The following RSBN1L variants were observed in gnomAD, a reference collection of about 807,000 sequenced individuals.
The protein encoded by RSBN1L is round spermatid basic protein 1 like, also known as lysine-specific demethylase RSBN1L.
A neutral mutation model predicts 67.7 loss-of-function variants in RSBN1L; 30 were observed. The observed-to-expected ratio is 0.44, with a 90% confidence interval of 0.33 to 0.60. The LOEUF is 0.60. RSBN1L is among the 20% of genes least tolerant of loss of function. The probability of loss-of-function intolerance (pLI) is 0.02; values close to 1 mark genes in which losing one functional copy is unlikely to be tolerated. For missense variants in RSBN1L, 992 were observed against 1,031.7 expected (o/e 0.96, Z 0.53); for synonymous variants, 433 against 387.0 (o/e 1.12, Z -1.39).
chr7:77,698,657 CCTT>C (rs769123995), intron 1 of RSBN1L, among the ~76,000 whole-genome samples: 8 of 152,090 alleles, frequency 5.3e-5, no homozygotes, highest in East Asian at 3.9e-4. Context: ...CATTTAGAAT[CCTT>C]CTTCTTTTGA....
chr7:77,712,559 G>A (rs1338389553), intron 1 of RSBN1L, among the ~76,000 whole-genome samples: 3 of 152,152 alleles, frequency 2.0e-5, no homozygotes, highest in East Asian at 1.9e-4. Context: ...GATTACAGGC[G>A]TGAGCCACTG....
At chr7:77,703,893 G>A (rs1474126167) in intron 1 of RSBN1L, among the ~76,000 whole-genome samples, 1 of 152,136 alleles carries the variant, frequency 6.6e-6, no homozygotes, top group East Asian at 1.9e-4. Context: ...GAGCCCAAAG[G>A]ATTCTCCTGC....
At chr7:77,705,884 T>G (rs1344659873) in intron 1 of RSBN1L, among the ~76,000 whole-genome samples, 1 of 151,984 alleles carries the variant, frequency 6.6e-6, no homozygotes, top group African/African-American at 2.4e-5. Context: ...CTAATTGTCT[T>G]TTACTTAATA....
At position 77,696,461 on chromosome 7, in the gene RSBN1L, G is replaced by A. The variant is rs758007303; in HGVS notation, c.-9G>A. 6.2e-7 allele frequency: 1 copy of A among 1,600,284 alleles called. No homozygotes were observed. Among genetic ancestry groups the A allele is most frequent in the East Asian group, 2.2e-5 (1 of 44,704 alleles). On this transcript the variant is annotated 5_prime_UTR_variant, in exon 1 of 8. Coordinates refer to ENST00000334955, the MANE Select transcript of RSBN1L (RefSeq NM_198467.3). Reference sequence around the variant, plus strand: ...TAGCGGAGGAGAGTAAATACAACAGGAGCGCAAAATGGCGGAACCGCCGAG... The same window carrying A: ...TAGCGGAGGAGAGTAAATACAACAGAAGCGCAAAATGGCGGAACCGCCGAG...
At chr7:77,762,616 A>T (rs547093382) in intron 3 of RSBN1L, among the ~76,000 whole-genome samples, 1 of 152,258 alleles carries the variant, frequency 6.6e-6, no homozygotes, top group South Asian at 2.1e-4. Flanking sequence ...TTAGTAAATA[A>T]AGTTCTTGAG....
chr7:77,696,760 G>GT lies in RSBN1L; in HGVS notation c.292dup (p.Ser98PhefsTer57), dbSNP rs777557519. On this transcript the variant is annotated frameshift_variant, in exon 1 of 8. Transcript: ENST00000334955. LOFTEE classifies it high-confidence loss of function. ...CCCCTCTGTCTGCTGCTCCCTCCCC[G>GT]TCCTCTTCTCGGAGCAGTTTCTCTT... 6.2e-7 allele frequency: 1 copy of GT among 1,613,742 alleles called. No individual in the cohort carries two copies. The highest frequency in any genetic ancestry group is 8.5e-7 in the Non-Finnish European group (1 of 1,179,998).
At position 77,779,038 on chromosome 7, in the gene RSBN1L, C is replaced by A; in HGVS notation, c.2411C>A (p.Ser804Tyr). 1 of 1,613,870 alleles carries A rather than the reference C, an allele frequency of 6.2e-7. No homozygotes were observed. Among genetic ancestry groups the A allele is most frequent in the Non-Finnish European group, 8.5e-7 (1 of 1,179,914 alleles). The change falls in exon 8 of 8, where the codon TCT (serine) becomes TAT (tyrosine). Residue 804 changes from serine (S) to tyrosine (Y), a missense_variant. This residue lies in a region of RSBN1L where 199 missense variants were observed against 167.7 expected (regional missense o/e 1.19). Transcript: ENST00000334955. ...GCAGAATTTAAGATTGACATGGATTCTAAATTTGAAAATAGCAACAAAGAT... is the reference window on the plus strand; with the variant it reads ...GCAGAATTTAAGATTGACATGGATTATAAATTTGAAAATAGCAACAAAGAT... ...QFAEFKIDMDSKFENSNKDLK... is the reference protein window; with the variant it reads ...QFAEFKIDMDYKFENSNKDLK...
intron 3 of RSBN1L, 63 bp downstream of exon 3, chr7:77,750,127 T>C (rs1791535558): frequency 2.0e-6 from 2 of 1,017,790 alleles, no homozygotes; most frequent in Admixed American, 7.0e-5. Flanking sequence ...AGTTTCTGTT[T>C]TTTGTTCCTA....
chr7:77,778,294 G>A (rs1791945289), intron 6 of RSBN1L, 44 bp from the exon 7 acceptor site: 1 of 1,352,564 alleles, frequency 7.4e-7, no homozygotes, highest in East Asian at 2.3e-5. Flanking sequence ...TCAAAAGAGT[G>A]AAGCATTTAT....
Position 77,765,624 on chromosome 7 carries a change from T to A in RSBN1L, c.1474T>A (p.Phe492Ile). The A allele has an allele frequency of 6.3e-7, 1 of 1,592,792 alleles. No homozygotes were observed. The highest frequency in any genetic ancestry group is 8.6e-7 in the Non-Finnish European group (1 of 1,168,846). ...CCTTGACATGTTGGAAGAGTCACCATTTTTAAAAGTAAGAGACAATCTGTC... is the reference window on the plus strand; with the variant it reads ...CCTTGACATGTTGGAAGAGTCACCAATTTTAAAAGTAAGAGACAATCTGTC... Reference protein sequence around the residue: ...EFLDMLEESPFLKCTLPWGTL... With the variant: ...EFLDMLEESPILKCTLPWGTL... Residue 492 changes from phenylalanine (F) to isoleucine (I), a missense_variant, in exon 4 of 8, where the codon TTT becomes ATT. Phe to Ile is a conservative substitution (Grantham distance 21). This residue lies in a region of RSBN1L where 67 missense variants were observed against 130.5 expected (regional missense o/e 0.51). Transcript: ENST00000334955.
At chr7:77,735,851 A>G (rs1367445795) in intron 1 of RSBN1L, among the ~76,000 whole-genome samples, 1 of 152,172 alleles carries the variant, frequency 6.6e-6, no homozygotes, top group Non-Finnish European at 1.5e-5. Flanking sequence ...TCACAGTATC[A>G]CCAAGTAGTC....
At chr7:77,767,883 G>A (rs1429009950) in intron 4 of RSBN1L, among the ~76,000 whole-genome samples, 8 of 112,656 alleles carry the variant, frequency 7.1e-5, no homozygotes, top group Non-Finnish European at 1.3e-4. Flanking sequence ...TTGGAGTCTC[G>A]TTCTGTCACC....
At chr7:77,701,413 T>G (rs1790816840) in intron 1 of RSBN1L, among the ~76,000 whole-genome samples, 1 of 152,118 alleles carries the variant, frequency 6.6e-6, no homozygotes, top group Admixed American at 6.6e-5. Context: ...ATCCTTTTAC[T>G]TGACTGGCAG....
At chr7:77,707,204 A>C (rs1790905225) in intron 1 of RSBN1L, among the ~76,000 whole-genome samples, 1 of 152,120 alleles carries the variant, frequency 6.6e-6, no homozygotes, top group Admixed American at 6.6e-5. Context: ...TTGTATTTTT[A>C]GTAGAGACAG....
At chr7:77,767,736 C>G (rs1402069741) in intron 4 of RSBN1L, among the ~76,000 whole-genome samples, 1 of 112,496 alleles carries the variant, frequency 8.9e-6, no homozygotes, top group East Asian at 3.5e-4. Flanking sequence ...GCCTCCCCTC[C>G]CCTCCCCTCC....
rs548018042 is a variant in RSBN1L, at chr7:77,782,736, G to A, written c.*3568G>A. ...TCTCGAGTGGTGGTCATTGAGGGTA[G>A]GGAAGATTTTATTTTTTAAGTTGTC... On this transcript the variant is annotated 3_prime_UTR_variant, in exon 8 of 8. Coordinates refer to ENST00000334955, the MANE Select transcript of RSBN1L (RefSeq NM_198467.3). The A allele has an allele frequency of 6.6e-6, 1 of 152,172 alleles. No individual in the cohort carries two copies. Among genetic ancestry groups the A allele is most frequent in the Admixed American group, 6.5e-5 (1 of 15,280 alleles). 9.4% of individuals were successfully genotyped at this position (152,172 alleles called of 1,614,324 possible).
At chr7:77,745,573 T>C (rs554315394) in intron 2 of RSBN1L, among the ~76,000 whole-genome samples, 2 of 152,070 alleles carry the variant, frequency 1.3e-5, no homozygotes, top group South Asian at 4.1e-4. Context: ...ATTTGAGAAA[T>C]GAGGGAAAGC....
At chr7:77,712,554 CAGGCGTG>C (rs1292347349) in intron 1 of RSBN1L, among the ~76,000 whole-genome samples, 1 of 152,188 alleles carries the variant, frequency 6.6e-6, no homozygotes, top group Non-Finnish European at 1.5e-5. Flanking sequence ...CCTGAGATTA[CAGGCGTG>C]AGCCACTGTG....
intron 1 of RSBN1L, among the ~76,000 whole-genome samples, chr7:77,720,532 C>T (rs992232679): frequency 3.9e-5 from 6 of 151,992 alleles, no homozygotes; most frequent in Admixed American, 3.3e-4. Context: ...GCACTCCAGC[C>T]TGGGCAACAA....
Sources: gnomAD v4.1 joint callset for allele counts (sites outside exome capture counted in the v4.1 genomes callset) on GRCh38, gnomAD v4.1.1 for gene constraint, gnomAD v4.1.1 regional missense constraint, MANE v1.5 for transcripts, NCBI Gene and HGNC (gene_info 2026-07-23, HGNC 2026-07-21) for gene names.